The following RNF217 variants were observed in gnomAD, a reference collection of about 807,000 sequenced individuals.
RNF217 encodes the protein E3 ubiquitin-protein ligase RNF217.
RNF217 carries 31 observed loss-of-function variants against 57.8 expected under a neutral mutation model. That is an observed-to-expected ratio of 0.54 (90% confidence interval 0.40 to 0.72). The LOEUF (loss-of-function observed/expected upper bound fraction) is 0.72. Among genes scored for constraint, RNF217 ranks in the 30% least tolerant of loss-of-function variants. RNF217 has a pLI of 0.00. For missense variants in RNF217, 696 were observed against 708.3 expected (o/e 0.98, Z 0.20); for synonymous variants, 313 against 294.0 (o/e 1.06, Z -0.66).
Position 125,049,658 on chromosome 6 carries a change from C to G in RNF217, c.1116+4214C>G, listed in dbSNP as rs554836248. On this transcript the variant is annotated intron_variant, in intron 2 of 5. Transcript: ENST00000521654. ...TAAATGAAATCACACATATAAATTA[C>G]TTAGCACCACATATGACACATACTG... Among the ~76,000 whole-genome samples, 20 of 132,386 alleles carry G rather than the reference C, an allele frequency of 1.5e-4. No homozygotes were observed. In the East Asian group the frequency reaches 4.0e-3, roughly 26 times the overall value. 86.9% of individuals were successfully genotyped at this position (132,386 alleles called of 152,430 possible). A position where few individuals can be genotyped will look rare whatever the true frequency, so the allele number is the denominator to read the frequency against.
chr6:125,071,574 A>C (rs1341536072), intron 3 of RNF217, among the ~76,000 whole-genome samples: 1 of 151,150 alleles, frequency 6.6e-6, no homozygotes, highest in East Asian at 2.0e-4. Context: ...CCTGTGAAGA[A>C]TATCCTAGGC....
chr6:125,024,270 G>C (rs1049338865), intron 1 of RNF217, among the ~76,000 whole-genome samples: 2 of 152,126 alleles, frequency 1.3e-5, no homozygotes, highest in African/African-American at 4.8e-5. Flanking sequence ...TTTGCTTTCT[G>C]TGCCATTTTC....
intron 1 of RNF217, among the ~76,000 whole-genome samples, chr6:125,028,449 A>G (rs999952663): frequency 2.0e-5 from 3 of 152,126 alleles, no homozygotes; most frequent in Non-Finnish European, 4.4e-5. Flanking sequence ...CACTGAGTGT[A>G]TATAGTGTAT....
chr6:125,052,311 TG>T (rs1208461715), intron 2 of RNF217, among the ~76,000 whole-genome samples: 6 of 147,474 alleles, frequency 4.1e-5, no homozygotes, highest in African/African-American at 1.6e-4. Flanking sequence ...TGTGTGTGTG[TG>T]TGTGTGTGGT....
chr6:125,007,877 T>A (rs1785251064), intron 1 of RNF217, among the ~76,000 whole-genome samples: 1 of 152,174 alleles, frequency 6.6e-6, no homozygotes, highest in Admixed American at 6.5e-5. Context: ...CATATATACC[T>A]CTTATAAAGT....
Position 124,962,631 on chromosome 6 carries a change from G to GC in RNF217, c.92dup (p.Arg32GlufsTer49). 7.6e-7 allele frequency: 1 copy of GC among 1,319,268 alleles called. No homozygotes were observed. 81.7% of individuals were successfully genotyped at this position (1,319,268 alleles called of 1,614,324 possible). On this transcript the variant is annotated frameshift_variant, in exon 1 of 6. Coordinates refer to ENST00000521654, the MANE Select transcript of RNF217 (RefSeq NM_001286398.3). LOFTEE classifies it high-confidence loss of function. The surrounding 1 kb of genome is among the most constrained non-coding windows in gnomAD (Gnocchi z 4.6). ...CCAGTGGCACTGCGGGCCACCCTGA[G>GC]CCCCCGAGGCCTCAGGGGGACAGCG...
rs1308713888 is a variant in RNF217 at position 125,087,920 on chromosome 6, G to T, written c.*4983G>T. 3 of 151,138 alleles carry T rather than the reference G, an allele frequency of 2.0e-5. No homozygotes were observed. Among genetic ancestry groups the T allele is most frequent in the African/African-American group, 7.3e-5 (3 of 41,076 alleles). The allele number at this position is 151,138 out of a possible 1,614,324, so 9.4% of individuals were successfully genotyped here. ...ATGATCAATCAAAACTACCAGTTTT[G>T]CACACCAATCCCAAGTTTAAGCATA... On this transcript the variant is annotated 3_prime_UTR_variant, in exon 6 of 6. Coordinates refer to ENST00000521654, the MANE Select transcript of RNF217 (RefSeq NM_001286398.3).
intron 1 of RNF217, among the ~76,000 whole-genome samples, chr6:125,038,348 T>A (rs1786732664): frequency 6.6e-6 from 1 of 152,134 alleles, no homozygotes; most frequent in South Asian, 2.1e-4. Flanking sequence ...TACTAAAAAA[T>A]TGACATTTTT....
intron 1 of RNF217, among the ~76,000 whole-genome samples, chr6:124,970,454 A>G (rs991763159): frequency 6.6e-6 from 1 of 152,216 alleles, no homozygotes; most frequent in Non-Finnish European, 1.5e-5. Context: ...TTCTGAGCTC[A>G]AGCAATTAGA....
chr6:124,988,761 T>A (rs934167007), intron 1 of RNF217, among the ~76,000 whole-genome samples: 7 of 152,238 alleles, frequency 4.6e-5, no homozygotes, highest in Admixed American at 2.0e-4. Flanking sequence ...ACACCTTTAA[T>A]CTTTGCCTAT....
Position 125,082,922 on chromosome 6 carries a change from A to G in RNF217, c.1614A>G (p.Thr538=), listed in dbSNP as rs1303987915. Residue 538 remains threonine, a synonymous_variant, in exon 6 of 6, where the codon ACA becomes ACG. Transcript: ENST00000521654. Reference sequence around the variant, plus strand: ...AAAAACAGAGAAAACGATCACGGACAGGTATGCACTGGTAACATGCAGATG... The same window carrying G: ...AAAAACAGAGAAAACGATCACGGACGGGTATGCACTGGTAACATGCAGATG... The part of the protein sequence containing the change: ...LCKKQRKRSR[T]GMHW 3 of 1,601,550 alleles carry G rather than the reference A, an allele frequency of 1.9e-6. No homozygotes were observed. The highest frequency in any genetic ancestry group is 2.6e-6 in the Non-Finnish European group (3 of 1,176,374).
chr6:125,070,177 C>T (rs899626949), intron 3 of RNF217, among the ~76,000 whole-genome samples: 4 of 152,142 alleles, frequency 2.6e-5, no homozygotes, highest in Admixed American at 1.3e-4. Context: ...CTGCAAAAGA[C>T]ATTATTTCAT....
intron 4 of RNF217, among the ~76,000 whole-genome samples, chr6:125,078,023 G>C (rs1788442446): frequency 6.6e-6 from 1 of 152,098 alleles, no homozygotes; most frequent in Non-Finnish European, 1.5e-5. Flanking sequence ...AAATCTATGT[G>C]ATCTCTATAA....
intron 2 of RNF217, 118 bp downstream of exon 2, chr6:125,045,562 TATATTGG>T: frequency 1.5e-6 from 1 of 680,594 alleles, no homozygotes. Flanking sequence ...AAGGTGAGCA[TATATTGG>T]CCATCATTCT....
At chr6:124,992,091 A>G (rs1041525128) in intron 1 of RNF217, among the ~76,000 whole-genome samples, 17 of 152,162 alleles carry the variant, frequency 1.1e-4, no homozygotes, top group African/African-American at 3.9e-4. Flanking sequence ...TAAGCCTGAG[A>G]TGGGGCCTAT....
At position 125,009,246 on chromosome 6, in the gene RNF217, A is replaced by T. The variant is rs201315163; in HGVS notation, c.883-35965A>T. On this transcript the variant is annotated intron_variant, in intron 1 of 5. Transcript: ENST00000521654. ...CTGTTGTATAATTAGTTCTCTTCTC[A>T]TCCACACCCATAAACCAGTTCAAGA... 187 of 1,611,398 alleles carry T rather than the reference A, an allele frequency of 1.2e-4. 2 individuals are homozygous for T. The African/African-American group carries it at 2.1e-3, about 18-fold the overall frequency.
chr6:125,068,232 T>C (rs1788009209), intron 3 of RNF217, among the ~76,000 whole-genome samples: 3 of 152,128 alleles, frequency 2.0e-5, no homozygotes, highest in Admixed American at 2.0e-4. Context: ...TAAAGAGTTT[T>C]AAAATGTAGA....
intron 1 of RNF217, among the ~76,000 whole-genome samples, chr6:124,997,405 A>G (rs1021475709): frequency 4.6e-5 from 7 of 152,316 alleles, no homozygotes; most frequent in South Asian, 2.1e-4. Context: ...GGCTCTGCCA[A>G]TTACTTAACC....
intron 1 of RNF217, among the ~76,000 whole-genome samples, chr6:124,978,102 C>T (rs1246232148): frequency 6.6e-6 from 1 of 152,080 alleles, no homozygotes; most frequent in Non-Finnish European, 1.5e-5. Context: ...CAATGTGTCC[C>T]TATAGAATAG....
Sources: allele counts gnomAD v4.1 joint callset (sites outside exome capture counted in the v4.1 genomes callset), GRCh38; gene constraint gnomAD v4.1.1; non-coding constraint Gnocchi (gnomAD v3.1); transcripts MANE v1.5; gene names NCBI Gene and HGNC (gene_info 2026-07-23, HGNC 2026-07-21).